Variants in MTSS1 observed in about 807,000 individuals in gnomAD.
MTSS1 encodes the protein protein MTSS 1.
A neutral mutation model predicts 79.0 loss-of-function variants in MTSS1; 18 were observed. The observed-to-expected ratio is 0.23, with a 90% CI of 0.16 to 0.34. The LOEUF (loss-of-function observed/expected upper bound fraction) is 0.34. Among genes scored for constraint, MTSS1 ranks in the 10% least tolerant of loss-of-function variants. The pLI, the probability that MTSS1 is intolerant of heterozygous loss-of-function variation, is 1.00. For missense variants in MTSS1, 815 were observed against 986.2 expected (o/e 0.83, Z 2.33); for synonymous variants, 341 against 368.6 (o/e 0.93, Z 0.86).
At chr8:124,664,665 C>T (rs1471234881) in intron 3 of MTSS1, among the ~76,000 whole-genome samples, 2 of 152,210 alleles carry the variant, frequency 1.3e-5, no homozygotes, top group Non-Finnish European at 1.5e-5. Context: ...GACCCCTCTA[C>T]TCTAAAATAG....
intron 1 of MTSS1, among the ~76,000 whole-genome samples, chr8:124,712,961 G>A (rs989982984): frequency 1.3e-5 from 2 of 152,132 alleles, no homozygotes; most frequent in African/African-American, 2.4e-5. Flanking sequence ...ACATCTGGGT[G>A]TCTCCACTTA....
chr8:124,607,192 C>T (rs1185874997), intron 3 of MTSS1, among the ~76,000 whole-genome samples: 1 of 152,232 alleles, frequency 6.6e-6, no homozygotes, highest in Non-Finnish European at 1.5e-5. Context: ...CTCCTCATCC[C>T]TCTTCCCCAT....
chr8:124,588,154 T>C (rs1274239073), intron 5 of MTSS1, among the ~76,000 whole-genome samples: 1 of 152,212 alleles, frequency 6.6e-6, no homozygotes, highest in Non-Finnish European at 1.5e-5. Context: ...TGGCTACTGA[T>C]AGTTGCTGGG....
At chr8:124,610,772 G>A (rs536661616) in intron 3 of MTSS1, among the ~76,000 whole-genome samples, 1 of 152,262 alleles carries the variant, frequency 6.6e-6, no homozygotes, top group African/African-American at 2.4e-5. Flanking sequence ...GTAATTACCT[G>A]AAGAACCTTC....
At chr8:124,602,696 G>A (rs575875200) in intron 3 of MTSS1, among the ~76,000 whole-genome samples, 2 of 152,192 alleles carry the variant, frequency 1.3e-5, no homozygotes, top group Non-Finnish European at 2.9e-5. Flanking sequence ...GGGCTAGCCA[G>A]ACCTCGGCTA....
At position 124,614,432 on chromosome 8, in the gene MTSS1, A is replaced by G. The variant is rs1180840014; in HGVS notation, c.209-23197T>C. ...AGGGATGGGTGTGTTTCTTTTCCCA[A>G]TGTGGAGACAGGGGACACTCACCTT... On this transcript the variant is annotated intron_variant, in intron 3 of 13. Coordinates refer to ENST00000518547, the MANE Select transcript of MTSS1 (RefSeq NM_014751.6). Among the ~76,000 whole-genome samples the G allele has an allele frequency of 2.0e-4, 31 of 152,198 alleles. 1 individual carries two copies. The highest frequency in any genetic ancestry group is 2.9e-5 in the Non-Finnish European group (2 of 68,032).
intron 1 of MTSS1, among the ~76,000 whole-genome samples, chr8:124,726,093 T>A (rs1472224732): frequency 6.6e-6 from 1 of 152,218 alleles, no homozygotes; most frequent in Non-Finnish European, 1.5e-5. Flanking sequence ...CCGCCGTGAC[T>A]GGGCATTAAA....
Position 124,553,851 on chromosome 8 carries a change from C to A in MTSS1, c.1568-159G>T, listed in dbSNP as rs1180639342. The stretch of plus-strand genomic sequence containing the variant: ...TACCATCTTCAGAAAGCCTCACCAA[C>A]TAAGAACTCCGTGGCAGGGATCTTT... On this transcript the variant is annotated intron_variant, in intron 13 of 13. Coordinates refer to ENST00000518547, the MANE Select transcript of MTSS1 (RefSeq NM_014751.6). This position sits in a 1 kb window ranked among gnomAD's most constrained non-coding sequence, Gnocchi z 6.0. Among the ~76,000 whole-genome samples the A allele has an allele frequency of 2.6e-5, 4 of 152,194 alleles. No individual in the cohort carries two copies. Among genetic ancestry groups the A allele is most frequent in the African/African-American group, 9.7e-5 (4 of 41,440 alleles).
At chr8:124,634,254 C>G (rs781560453) in intron 3 of MTSS1, among the ~76,000 whole-genome samples, 2 of 151,374 alleles carry the variant, frequency 1.3e-5, no homozygotes, top group Admixed American at 1.3e-4. Flanking sequence ...GGACTACAGG[C>G]GCACACCATC....
At chr8:124,579,164 T>G (rs1311956948) in intron 6 of MTSS1, among the ~76,000 whole-genome samples, 1 of 152,160 alleles carries the variant, frequency 6.6e-6, no homozygotes, top group Non-Finnish European at 1.5e-5. Flanking sequence ...TTCAAATAAA[T>G]AAAATGCTCT....
chr8:124,556,216 A>C lies in MTSS1; in HGVS notation c.1404+16T>G. ...CTGAGGTGGCCCCAACCAGCTACTG[A>C]GAACAAGAGCATCACCCTGGTGGCA... On this transcript the variant is annotated intron_variant, in intron 12 of 13. Transcript: ENST00000518547. The C allele has an allele frequency of 6.2e-7, 1 of 1,614,176 alleles. No individual in the cohort carries two copies.
At chr8:124,566,991 A>G in intron 8 of MTSS1, 80 bp downstream of exon 8, 1 of 1,075,054 alleles carries the variant, frequency 9.3e-7, no homozygotes, top group African/African-American at 1.6e-5. Flanking sequence ...AAGACGTGAC[A>G]CATGCCACAG....
chr8:124,585,155 T>C lies in MTSS1; in HGVS notation c.392A>G (p.Lys131Arg). 1 of 1,612,898 alleles carries C rather than the reference T, an allele frequency of 6.2e-7. No homozygotes were observed. ...QLDKDHAKEY[K>R]KARQEIKKKS... ...CTTTTTTATCTCTTGGCGGGCTTTC[T>C]TATATTCTAAGAGAAAGCAGAATAT... is the stretch of plus-strand genomic sequence containing the variant. Residue 131 changes from lysine (K) to arginine (R), a missense_variant, in exon 6 of 14, where the codon AAG (lysine) becomes AGG (arginine). This residue lies in a region of MTSS1 where 225 missense variants were observed against 365.4 expected (regional missense o/e 0.62). Coordinates refer to ENST00000518547, the MANE Select transcript of MTSS1 (RefSeq NM_014751.6).
chr8:124,554,418 G>A (rs938559537), intron 13 of MTSS1, among the ~76,000 whole-genome samples: 1 of 152,080 alleles, frequency 6.6e-6, no homozygotes, highest in Non-Finnish European at 1.5e-5. Context: ...CCCTCCAGTT[G>A]TGACAACCAG....
At chr8:124,695,959 G>A (rs61510689) in intron 3 of MTSS1, among the ~76,000 whole-genome samples, 55,228 of 151,430 alleles carry the variant, frequency 0.36, 10,874 homozygotes, top group East Asian at 0.51. Flanking sequence ...GCGGGGAAGT[G>A]GGGAGGATAA....
In MTSS1 at chr8:124,717,317, C is replaced by T. The variant is rs184461039; in HGVS notation, c.72+10567G>A. Among the ~76,000 whole-genome samples the T allele has an allele frequency of 3.2e-3, 481 of 152,046 alleles. 4 individuals are homozygous for T. Among genetic ancestry groups the T allele is most frequent in the African/African-American group, 0.011 (455 of 41,406 alleles). On this transcript the variant is annotated intron_variant, in intron 1 of 13. Transcript: ENST00000518547. ...GACCAGCCTGGCCAACATGACAAAA[C>T]CCCATCTTTACTAAAGATACAAAAA...
chr8:124,555,078 T>A (rs992323050), intron 13 of MTSS1, among the ~76,000 whole-genome samples: 2 of 152,208 alleles, frequency 1.3e-5, no homozygotes, highest in African/African-American at 4.8e-5. Flanking sequence ...CTTCTGCAGC[T>A]CAAGCAATCT....
chr8:124,587,951 A>G lies in MTSS1; in HGVS notation c.385+1669T>C, dbSNP rs563199125. Among the ~76,000 whole-genome samples the G allele has an allele frequency of 1.4e-4, 21 of 152,364 alleles. 2 individuals are homozygous for G. In the South Asian group the frequency reaches 3.7e-3, roughly 27 times the overall value. On this transcript the variant is annotated intron_variant, in intron 5 of 13. Transcript: ENST00000518547. ...TACATAAGACTGATTTCCAATAACA[A>G]TGAAGACACGACTTCAGGAGTCTGT...
intron 3 of MTSS1, among the ~76,000 whole-genome samples, chr8:124,666,242 G>A (rs889271264): frequency 6.6e-6 from 1 of 152,200 alleles, no homozygotes; most frequent in African/African-American, 2.4e-5. Flanking sequence ...TTAAGAAACT[G>A]TTGAATCAAT....
Sources: gnomAD v4.1 joint callset for allele counts (sites outside exome capture counted in the v4.1 genomes callset) on GRCh38, gnomAD v4.1.1 for gene constraint, gnomAD v4.1.1 regional missense constraint, Gnocchi (gnomAD v3.1) non-coding constraint, MANE v1.5 for transcripts, NCBI Gene and HGNC (gene_info 2026-07-23, HGNC 2026-07-21) for gene names.